The following IFRD2 variants were observed in gnomAD, a reference collection of about 807,000 sequenced individuals.
IFRD2 encodes interferon related developmental regulator 2, also known as interferon-related developmental regulator 2.
In IFRD2, 35 loss-of-function variants were observed where a neutral mutation model predicts 49.2. The ratio of observed to expected loss-of-function variants is 0.71; its 90% CI spans 0.54 to 0.94. The LOEUF is 0.94. IFRD2 is among the 40% of genes least tolerant of loss of function. The probability of loss-of-function intolerance (pLI) is 0.00; values close to 1 mark genes in which losing one functional copy is unlikely to be tolerated. For synonymous variants in IFRD2, 275 were observed against 239.7 expected (o/e 1.15, Z -1.36); for missense variants, 561 against 591.6 (o/e 0.95, Z 0.54).
rs1553709658 is a variant in IFRD2 at position 50,290,596 on chromosome 3, G to T, written c.142C>A (p.Pro48Thr). The T allele has an allele frequency of 1.9e-5, 31 of 1,613,988 alleles. No homozygotes were observed. Among genetic ancestry groups the T allele is most frequent in the Non-Finnish European group, 2.6e-5 (31 of 1,179,900 alleles). Residue 48 changes from proline to threonine, a missense_variant, in exon 2 of 12, where the codon CCC becomes ACC. Coordinates refer to ENST00000417626, the MANE Select transcript of IFRD2 (RefSeq NM_006764.5). ...SEARSTASEC[P>T]SLLSTTAEDS... ...TCTGCAGTGGTGCTGAGAAGGCTGG[G>T]GCATTCACTGGCGGTGCTGCGGGCC...
At chr3:50,291,455 T>TC (rs35317399) in intron 1 of IFRD2, among the ~76,000 whole-genome samples, 2 of 151,856 alleles carry the variant, frequency 1.3e-5, no homozygotes, top group African/African-American at 2.4e-5. Context: ...CAGAAGCACT[T>TC]CCCCCCAGGC....
Position 50,289,753 on chromosome 3 carries a change from C to T in IFRD2, c.556G>A (p.Ala186Thr), listed in dbSNP as rs1553709458. 5 of 1,601,996 alleles carry T rather than the reference C, an allele frequency of 3.1e-6. No homozygotes were observed. In the East Asian group the frequency reaches 1.1e-4, roughly 36 times the overall value. Residue 186 changes from alanine to threonine, a missense_variant, in exon 6 of 12, where the codon GCC becomes ACC. Transcript: ENST00000417626. ...SPAARLHCAS[A>T]LGLGCYVAAA... ...GCCACGTAGCAGCCCAGGCCAAGGG[C>T]AGAAGCACACTGTTGGGAGAAGGGC...
chr3:50,289,937 G>A lies in IFRD2; in HGVS notation c.538C>T (p.Arg180Trp), dbSNP rs764950916. 1.4e-5 allele frequency: 23 copies of A among 1,612,888 alleles called. No individual in the cohort carries two copies. Among genetic ancestry groups the A allele is most frequent in the Non-Finnish European group, 1.9e-5 (22 of 1,179,608 alleles). Residue 180 changes from arginine to tryptophan, a missense_variant, in exon 5 of 12, where the codon CGG (arginine) becomes TGG (tryptophan). Arg to Trp is a moderately radical substitution (Grantham distance 101, BLOSUM62 -3). Coordinates refer to ENST00000417626, the MANE Select transcript of IFRD2 (RefSeq NM_006764.5). ...GGCACAGGCACACTCACGTGGAGCCGGGCAGCAGGGCTAGCTGTGCTGTCA... is the reference window on the plus strand; with the variant it reads ...GGCACAGGCACACTCACGTGGAGCCAGGCAGCAGGGCTAGCTGTGCTGTCA... Reference protein sequence around the residue: ...LSDSTASPAARLHCASALGLG... With the variant: ...LSDSTASPAAWLHCASALGLG...
Position 50,289,548 on chromosome 3 carries a change from C to T in IFRD2, c.678G>A (p.Val226=). The stretch of plus-strand genomic sequence containing the variant: ...GCAGGCCGTGCAGGCTGGCAGGAAC[C>T]ACAGGACTTGTGGAGCTGCCCCCCA... The part of the protein sequence containing the change: ...YGLGGSSTSP[V]VPASLHGLLS... Residue 226 remains valine, a synonymous_variant, in exon 7 of 12, where the codon GTG becomes GTA. Coordinates refer to ENST00000417626, the MANE Select transcript of IFRD2 (RefSeq NM_006764.5). 1 of 1,581,048 alleles carries T rather than the reference C, an allele frequency of 6.3e-7. No individual in the cohort carries two copies. The highest frequency in any genetic ancestry group is 8.6e-7 in the Non-Finnish European group (1 of 1,164,510).
rs374075474 is a variant in IFRD2 at position 50,292,237 on chromosome 3, C to T, written c.38G>A (p.Gly13Asp). The T allele has an allele frequency of 7.2e-5, 109 of 1,507,418 alleles. No homozygotes were observed. In the Middle Eastern group the frequency reaches 9.6e-4, roughly 13 times the overall value. 93.4% of individuals were successfully genotyped at this position (1,507,418 alleles called of 1,614,324 possible). ...CTCACCTCCTCCACGGCGCTGACCA[C>T]CCTTCCGGAGCGTGTTGCCCTTACG... ...RARKGNTLRK[G>D]GQRRGGGARS... is the part of the protein sequence containing the mutation. The change falls in exon 1 of 12, where the codon GGT (glycine) becomes GAT (aspartate). Residue 13 changes from glycine to aspartate, a missense_variant. Coordinates refer to ENST00000417626, the MANE Select transcript of IFRD2 (RefSeq NM_006764.5).
rs1553709566 is a variant in IFRD2, at chr3:50,290,288, C to G, written c.270G>C (p.Lys90Asn). 1 of 1,611,020 alleles carries G rather than the reference C, an allele frequency of 6.2e-7. No homozygotes were observed. The highest frequency in any genetic ancestry group is 1.7e-5 in the Admixed American group (1 of 59,538). The change falls in exon 4 of 12, where the codon AAG (lysine) becomes AAC (asparagine). Residue 90 changes from lysine (K) to asparagine (N), a missense_variant. Physicochemically the swap from Lys to Asn is moderately conservative, Grantham distance 94 (BLOSUM62 0). Transcript: ENST00000417626. The stretch of plus-strand genomic sequence containing the variant: ...GGCTCTCAAGAGCACCCTGCCGGGT[C>G]TTGGCACTGGGGGAGGTCGAGAAGG... ...YVDCLTDKSA[K>N]TRQGALESLR...
rs114591790 is a variant in IFRD2, at chr3:50,289,441, C to T, written c.779+6G>A. ...CCTCCCCCTCCCAGTGGACAGCCAC[C>T]CCTACCTGTCAAGGATGTGGCTGAT... is the stretch of plus-strand genomic sequence containing the variant. On this transcript the variant is annotated splice_donor_region_variant and intron_variant, in intron 7 of 11. Coordinates refer to ENST00000417626, the MANE Select transcript of IFRD2 (RefSeq NM_006764.5). 2,918 of 1,572,042 alleles carry T rather than the reference C, an allele frequency of 1.9e-3. 42 individuals are homozygous for T. The African/African-American group carries it at 0.035, about 19-fold the overall frequency.
rs782422078 is a variant in IFRD2 at position 50,289,707 on chromosome 3, C to CT, written c.597+4dup. The CT allele has an allele frequency of 2.5e-6, 4 of 1,600,968 alleles. No individual in the cohort carries two copies. The Admixed American group carries it at 6.9e-5, about 28-fold the overall frequency. ...CTCTACCACCTGTGCCCAAAGACCC[C>CT]TCACCTGGATGTCAGCGGCAGCCAC... On this transcript the variant is annotated splice_donor_region_variant and intron_variant, in intron 6 of 11. Transcript: ENST00000417626.
In IFRD2 at chr3:50,291,007, C is replaced by CT. The variant is rs11306616; in HGVS notation, c.59-329dup. Among the ~76,000 whole-genome samples the CT allele has an allele frequency of 3.0e-3, 285 of 94,390 alleles. 3 individuals carry two copies. Among genetic ancestry groups the CT allele is most frequent in the African/African-American group, 7.7e-3 (194 of 25,102 alleles). The allele number at this position is 94,390 out of a possible 152,430, so 61.9% of individuals were successfully genotyped here. A position where few individuals can be genotyped will look rare whatever the true frequency, so the allele number is the denominator to read the frequency against. On this transcript the variant is annotated intron_variant, in intron 1 of 11. Transcript: ENST00000417626. ...CGCACTGGCCTCTGCTCCCCGCCAC[C>CT]TTTTTTTTTTTTTTTTTTTTTTGAG...
At position 50,290,426 on chromosome 3, in the gene IFRD2, T is replaced by C. The variant is rs1701651913; in HGVS notation, c.225A>G (p.Glu75=). 3.8e-6 allele frequency: 6 copies of C among 1,578,776 alleles called. No individual in the cohort carries two copies. The highest frequency in any genetic ancestry group is 5.2e-6 in the Non-Finnish European group (6 of 1,161,384). Residue 75 remains glutamate (E), a synonymous_variant, in exon 3 of 12, where the codon GAA becomes GAG. Transcript: ENST00000417626. ...DEQGQQEDLE[E]KLKEYVDCLT... ...GACAGTCCACATACTCCTTCAGCTT[T>C]TCCTCAAGGTCTTCCTGCTGGCCCT...
At chr3:50,290,785 C>A in intron 1 of IFRD2, 106 bp from the exon 2 acceptor site, 1 of 1,459,510 alleles carries the variant, frequency 6.9e-7, no homozygotes, top group South Asian at 1.3e-5. Context: ...GTGTCCCTCT[C>A]AGAGATGAAA....
Position 50,289,620 on chromosome 3 carries a change from G to A in IFRD2, c.606C>T (p.Val202=), listed in dbSNP as rs187308542. The change falls in exon 7 of 12, where the codon GTC becomes GTT. Residue 202 remains valine (V), a synonymous_variant. Transcript: ENST00000417626. ...CACTTTCTAAGCAGGCAAGGCAAGA[G>A]ACCAGGTCCTAGGAGCACAGAGAGG... The part of the protein sequence containing the change: ...YVAAADIQDL[V]SCLACLESVF... The A allele has an allele frequency of 2.0e-4, 318 of 1,598,416 alleles. No homozygotes were observed. Among genetic ancestry groups the A allele is most frequent in the Admixed American group, 1.0e-3 (60 of 57,302 alleles).
chr3:50,287,949 G>C lies in IFRD2; in HGVS notation c.*242C>G, dbSNP rs1193658667. On this transcript the variant is annotated 3_prime_UTR_variant, in exon 12 of 12. Coordinates refer to ENST00000417626, the MANE Select transcript of IFRD2 (RefSeq NM_006764.5). ...CCTAGTGCCTGCCCCACAGCCCTGA[G>C]GAAGGCACATATTTAGCCTGGCCTG... 1 of 532,146 alleles carries C rather than the reference G, an allele frequency of 1.9e-6. No homozygotes were observed. The highest frequency in any genetic ancestry group is 3.4e-6 in the Non-Finnish European group (1 of 294,568). The allele number at this position is 532,146 out of a possible 1,614,324, so 33.0% of individuals were successfully genotyped here. A position where few individuals can be genotyped will look rare whatever the true frequency, so the allele number is the denominator to read the frequency against.
Position 50,289,369 on chromosome 3 carries a change from G to A in IFRD2, c.780-9C>T, listed in dbSNP as rs1553709249. Reference sequence around the variant, plus strand: ...GCAGCCGGGGCAGCTGCCTAGGGAAGGGGCAGGCTGAGCTATATGTGTGGC... The same window carrying A: ...GCAGCCGGGGCAGCTGCCTAGGGAAAGGGCAGGCTGAGCTATATGTGTGGC... On this transcript the variant is annotated splice_polypyrimidine_tract_variant and intron_variant, in intron 7 of 11. Coordinates refer to ENST00000417626, the MANE Select transcript of IFRD2 (RefSeq NM_006764.5). 1 of 1,589,416 alleles carries A rather than the reference G, an allele frequency of 6.3e-7. No homozygotes were observed.
chr3:50,292,126 C>T (rs1354214255), intron 1 of IFRD2, 91 bp downstream of exon 1: 29 of 1,332,884 alleles, frequency 2.2e-5, no homozygotes, highest in Non-Finnish European at 2.7e-5. Context: ...AGGGGGTTCC[C>T]CACCCAGGGC....
chr3:50,289,401 G>C (rs1553709263), intron 7 of IFRD2, 41 bp from the exon 8 acceptor site: 2 of 1,568,658 alleles, frequency 1.3e-6, no homozygotes, highest in East Asian at 4.7e-5. Context: ...TGGCTTGGGG[G>C]CCTCTTTGAG....
chr3:50,290,781 C>T (rs931018452), intron 1 of IFRD2, 102 bp from the exon 2 acceptor site: 8 of 1,466,964 alleles, frequency 5.5e-6, no homozygotes, highest in African/African-American at 1.4e-5. Context: ...AATGGTGTCC[C>T]TCTCAGAGAT....
chr3:50,290,066 G>C lies in IFRD2; in HGVS notation c.409C>G (p.Leu137Val). The change falls in exon 5 of 12, where the codon CTG (leucine) becomes GTG (valine). Residue 137 changes from leucine to valine, a missense_variant. By Grantham distance (32) the Leu-to-Val change is conservative. Transcript: ENST00000417626. ...LKKGKGEEQA[L>V]AAAVLGLLCV... ...AGCAGGCCTAGCACAGCAGCAGCCA[G>C]GGCTTGTTCCTCGCCCTTCCCTGTG... 1 of 1,613,846 alleles carries C rather than the reference G, an allele frequency of 6.2e-7. No homozygotes were observed. The highest frequency in any genetic ancestry group is 8.5e-7 in the Non-Finnish European group (1 of 1,179,788).
chr3:50,289,564 C>T lies in IFRD2; in HGVS notation c.662G>A (p.Ser221Asn), dbSNP rs1246293396. Residue 221 changes from serine (S) to asparagine (N), a missense_variant, in exon 7 of 12, where the codon AGC becomes AAC. By Grantham distance (46) the Ser-to-Asn change is conservative (BLOSUM62 1). Coordinates refer to ENST00000417626, the MANE Select transcript of IFRD2 (RefSeq NM_006764.5). ...GGCAGGAACCACAGGACTTGTGGAG[C>T]TGCCCCCCAAGCCATAGAACCGGCT... ...VFSRFYGLGGSSTSPVVPASL... is the reference protein window; with the variant it reads ...VFSRFYGLGGNSTSPVVPASL... 5.1e-6 allele frequency: 8 copies of T among 1,581,478 alleles called. No individual in the cohort carries two copies. The highest frequency in any genetic ancestry group is 6.9e-6 in the Non-Finnish European group (8 of 1,164,828).
Sources: gnomAD v4.1 joint callset for allele counts (sites outside exome capture counted in the v4.1 genomes callset) on GRCh38, gnomAD v4.1.1 for gene constraint, MANE v1.5 for transcripts, NCBI Gene and HGNC (gene_info 2026-07-23, HGNC 2026-07-21) for gene names.